The following PSMB7 variants were observed in gnomAD, a reference collection of about 807,000 sequenced individuals.
The protein encoded by PSMB7 is proteasome 20S subunit beta 7.
A neutral mutation model predicts 28.1 loss-of-function variants in PSMB7; 5 were observed. The ratio of observed to expected loss-of-function variants is 0.18; its 90% CI spans 0.09 to 0.37. The LOEUF is 0.37. Ranked by LOEUF, PSMB7 falls within the 10% of genes least tolerant of loss-of-function variation. The pLI is 1.00. For synonymous variants in PSMB7, 122 were observed against 123.7 expected (o/e 0.99, Z 0.09); for missense variants, 275 against 346.2 (o/e 0.79, Z 1.63).
intron 6 of PSMB7, among the ~76,000 whole-genome samples, chr9:124,358,231 C>G (rs756579100): frequency 3.3e-5 from 5 of 152,210 alleles, no homozygotes; most frequent in Non-Finnish European, 7.3e-5. Flanking sequence ...TCTGAACCCA[C>G]TGGGGGCTCC....
chr9:124,367,129 G>A (rs1006133545), intron 6 of PSMB7, among the ~76,000 whole-genome samples: 3 of 152,292 alleles, frequency 2.0e-5, no homozygotes, highest in African/African-American at 2.4e-5. Context: ...AGATGGTGGC[G>A]GGGCAGCAGG....
rs755372440 is a variant in PSMB7, at chr9:124,415,421, G to C, written c.5C>G (p.Ala2Gly). 1 of 1,614,036 alleles carries C rather than the reference G, an allele frequency of 6.2e-7. No homozygotes were observed. Among genetic ancestry groups the C allele is most frequent in the South Asian group, 1.1e-5 (1 of 91,074 alleles). Residue 2 changes from alanine to glycine, a missense_variant, in exon 1 of 8, where the codon GCG becomes GGG. Ala to Gly is a moderately conservative substitution (Grantham distance 60). Around this residue, in one of 2 missense-constraint regions of PSMB7, gnomAD observed 62 missense variants for 43.9 expected, o/e 1.41. Coordinates refer to ENST00000259457, the MANE Select transcript of PSMB7 (RefSeq NM_002799.4). Reference protein sequence around the residue: MAAVSVYAPPVG... With the variant: MGAVSVYAPPVG... ...TGGTGGAGCATACACCGACACAGCCGCCATCTTCCCAAGAAAGCAGTTCCG... is the reference window on the plus strand; with the variant it reads ...TGGTGGAGCATACACCGACACAGCCCCCATCTTCCCAAGAAAGCAGTTCCG...
At chr9:124,369,330 T>G (rs538569016) in intron 6 of PSMB7, among the ~76,000 whole-genome samples, 2 of 152,206 alleles carry the variant, frequency 1.3e-5, no homozygotes, top group Non-Finnish European at 2.9e-5. Flanking sequence ...ACTACCTTCC[T>G]GAGGTATGCT....
In PSMB7 at chr9:124,409,478, T is replaced by C. The variant is rs1316503262; in HGVS notation, c.395+2874A>G. Among the ~76,000 whole-genome samples, 4 of 152,186 alleles carry C rather than the reference T, an allele frequency of 2.6e-5. No homozygotes were observed. In the East Asian group the frequency reaches 7.7e-4, roughly 29 times the overall value. The stretch of plus-strand genomic sequence containing the variant: ...TTACATCAACTACATATAGCCAGGA[T>C]AGGTGTGAGATAAAGGCAGTGCTTA... On this transcript the variant is annotated intron_variant, in intron 4 of 7. Transcript: ENST00000259457.
At position 124,412,978 on chromosome 9, in the gene PSMB7, C is replaced by T. The variant is rs78321917; in HGVS notation, c.255-486G>A. ...CACAGTAATAGCATAGGTACAAAAT[C>T]CTACGGGAAACCGGAGGAGAAGGTA... On this transcript the variant is annotated intron_variant, in intron 3 of 7. Coordinates refer to ENST00000259457, the MANE Select transcript of PSMB7 (RefSeq NM_002799.4). Among the ~76,000 whole-genome samples, 667 of 151,472 alleles carry T rather than the reference C, an allele frequency of 4.4e-3. 7 individuals carry two copies. Among genetic ancestry groups the T allele is most frequent in the African/African-American group, 0.016 (643 of 41,308 alleles).
chr9:124,413,420 T>C (rs990555834), intron 3 of PSMB7, among the ~76,000 whole-genome samples: 4 of 151,918 alleles, frequency 2.6e-5, no homozygotes, highest in African/African-American at 9.7e-5. Context: ...TTGATTTTTA[T>C]CCTAAAAGCC....
chr9:124,411,548 C>A (rs116959083), intron 4 of PSMB7, among the ~76,000 whole-genome samples: 15 of 152,306 alleles, frequency 9.8e-5, no homozygotes, highest in South Asian at 2.1e-4. Flanking sequence ...GTATTCCAAC[C>A]CAAGACTAAA....
At chr9:124,357,179 C>T (rs1427813707) in intron 6 of PSMB7, among the ~76,000 whole-genome samples, 2 of 152,166 alleles carry the variant, frequency 1.3e-5, no homozygotes, top group African/African-American at 4.8e-5. Flanking sequence ...CTGACAGTTA[C>T]TAGAGGGTTA....
intron 4 of PSMB7, among the ~76,000 whole-genome samples, chr9:124,406,924 T>C (rs1420533003): frequency 9.2e-5 from 14 of 151,924 alleles, no homozygotes; most frequent in Non-Finnish European, 4.4e-5. Flanking sequence ...GTGGCCGAGG[T>C]TGCACTGAGC....
chr9:124,411,522 C>T (rs1219461803), intron 4 of PSMB7, among the ~76,000 whole-genome samples: 1 of 152,156 alleles, frequency 6.6e-6, no homozygotes, highest in Admixed American at 6.5e-5. Flanking sequence ...AAGGCAAGTC[C>T]CAAAAGGAGA....
At chr9:124,381,599 G>A (rs990498530) in intron 6 of PSMB7, among the ~76,000 whole-genome samples, 1 of 152,192 alleles carries the variant, frequency 6.6e-6, no homozygotes, top group Non-Finnish European at 1.5e-5. Context: ...AGGGCTTTTT[G>A]ACACAGAAAG....
Position 124,415,414 on chromosome 9 carries a change from C to G in PSMB7, c.12G>C (p.Val4=), listed in dbSNP as rs958086480. 6.2e-7 allele frequency: 1 copy of G among 1,614,138 alleles called. No homozygotes were observed. Among genetic ancestry groups the G allele is most frequent in the Non-Finnish European group, 8.5e-7 (1 of 1,180,004 alleles). Residue 4 remains valine (V), a synonymous_variant, in exon 1 of 8, where the codon GTG becomes GTC. Transcript: ENST00000259457. MAA[V]SVYAPPVGGF... ...CTCCAACTGGTGGAGCATACACCGA[C>G]ACAGCCGCCATCTTCCCAAGAAAGC...
At chr9:124,360,821 A>G (rs984304656) in intron 6 of PSMB7, among the ~76,000 whole-genome samples, 1 of 152,246 alleles carries the variant, frequency 6.6e-6, no homozygotes, top group African/African-American at 2.4e-5. Flanking sequence ...ATATAATGAT[A>G]ATAAATCCAA....
chr9:124,387,311 C>A (rs1038144414), intron 5 of PSMB7, among the ~76,000 whole-genome samples: 1 of 152,168 alleles, frequency 6.6e-6, no homozygotes, highest in Non-Finnish European at 1.5e-5. Flanking sequence ...GACAAAATTT[C>A]TATAAGTGGA....
intron 2 of PSMB7, 115 bp downstream of exon 2, chr9:124,414,727 A>G: frequency 1.3e-6 from 1 of 796,170 alleles, no homozygotes; most frequent in South Asian, 1.4e-5. Flanking sequence ...CGGTCTCCTG[A>G]TGTATTCTAT....
intron 5 of PSMB7, among the ~76,000 whole-genome samples, chr9:124,385,573 C>T (rs1156436684): frequency 1.3e-5 from 2 of 152,114 alleles, no homozygotes; most frequent in African/African-American, 4.8e-5. Flanking sequence ...GATAGAGTTG[C>T]CCACAATTTT....
intron 5 of PSMB7, among the ~76,000 whole-genome samples, chr9:124,391,405 GCTAT>G (rs1267983054): frequency 1.3e-5 from 2 of 152,160 alleles, no homozygotes; most frequent in African/African-American, 4.8e-5. Context: ...GGGAGATGGA[GCTAT>G]CTTTTCTTAG....
At chr9:124,404,216 T>A (rs1379513052) in intron 5 of PSMB7, among the ~76,000 whole-genome samples, 1 of 152,148 alleles carries the variant, frequency 6.6e-6, no homozygotes, top group Admixed American at 6.5e-5. Flanking sequence ...CACTGCCATC[T>A]GCCTCCACCC....
At chr9:124,411,332 A>G (rs1831025697) in intron 4 of PSMB7, among the ~76,000 whole-genome samples, 1 of 152,200 alleles carries the variant, frequency 6.6e-6, no homozygotes, top group Non-Finnish European at 1.5e-5. Context: ...ATTTAAAAAG[A>G]AAAAAAGGCC....
Sources: gnomAD v4.1 joint callset for allele counts (sites outside exome capture counted in the v4.1 genomes callset) on GRCh38, gnomAD v4.1.1 for gene constraint, gnomAD v4.1.1 regional missense constraint, MANE v1.5 for transcripts, NCBI Gene and HGNC (gene_info 2026-07-23, HGNC 2026-07-21) for gene names.